CPNE9: variants seen among roughly 807,000 people sequenced by gnomAD.
CPNE9 encodes copine family member 9.
In CPNE9, 59 loss-of-function variants were observed where a neutral mutation model predicts 83.0. That is an observed-to-expected ratio of 0.71 (90% CI 0.58 to 0.88). CPNE9 has a LOEUF of 0.88. Among genes scored for constraint, CPNE9 ranks in the 40% least tolerant of loss-of-function variants. CPNE9 has a pLI of 0.00. For synonymous variants in CPNE9, 256 were observed against 273.4 expected (o/e 0.94, Z 0.63); for missense variants, 619 against 720.8 (o/e 0.86, Z 1.62).
At chr3:9,715,788 C>T (rs746108107) in intron 13 of CPNE9, among the ~76,000 whole-genome samples, 186 bp from the exon 14 acceptor site, 5 of 152,182 alleles carry the variant, frequency 3.3e-5, no homozygotes, top group African/African-American at 1.2e-4. Context: ...GGAAATCCAA[C>T]GATGTTTCTG....
intron 20 of CPNE9, 188 bp downstream of exon 20, chr3:9,727,374 G>A: frequency 4.0e-6 from 3 of 754,066 alleles, no homozygotes; most frequent in South Asian, 1.5e-5. Context: ...TGGCACATCC[G>A]TGGTGTAGGT....
rs745324887 is a variant in CPNE9, at chr3:9,717,095, G to T, written c.922G>T (p.Ala308Ser). 1.9e-6 allele frequency: 3 copies of T among 1,614,172 alleles called. No homozygotes were observed. Among genetic ancestry groups the T allele is most frequent in the Non-Finnish European group, 2.5e-6 (3 of 1,180,014 alleles). Residue 308 changes from alanine (A) to serine (S), a missense_variant, in exon 15 of 21, where the codon GCT (alanine) becomes TCT (serine). This residue lies in a region of CPNE9 where 438 missense variants were observed against 562.9 expected (regional missense o/e 0.78). Transcript: ENST00000383832. ...LNFTVAIDFT[A>S]SNGNPLQPTS... Reference sequence around the variant, plus strand: ...CTTCACAGTAGCCATTGACTTCACGGCTTCCAATGGTGAGACACGGATGAG... The same window carrying T: ...CTTCACAGTAGCCATTGACTTCACGTCTTCCAATGGTGAGACACGGATGAG...
At chr3:9,726,974 A>C in intron 19 of CPNE9, 139 bp from the exon 20 acceptor site, 1 of 930,318 alleles carries the variant, frequency 1.1e-6, no homozygotes, top group Non-Finnish European at 1.7e-6. Flanking sequence ...TAACTCCATA[A>C]CGAAGACTGA....
intron 11 of CPNE9, 73 bp downstream of exon 11, chr3:9,715,028 C>G: frequency 7.2e-7 from 1 of 1,394,160 alleles, no homozygotes; most frequent in South Asian, 1.2e-5. Flanking sequence ...TGTACATTCA[C>G]TGAGAACCCC....
intron 7 of CPNE9, among the ~76,000 whole-genome samples, chr3:9,708,586 T>C (rs1314782253): frequency 6.6e-6 from 1 of 152,140 alleles, no homozygotes; most frequent in African/African-American, 2.4e-5. Context: ...TTAAGCACAG[T>C]TTTGAAGGAG....
rs564260290 is a variant in CPNE9, at chr3:9,708,789, T to C, written c.377+2726T>C. 7.1e-4 allele frequency among the ~76,000 whole-genome samples: 108 copies of C among 151,906 alleles called. 1 individual carries two copies. The highest frequency in any genetic ancestry group is 7.1e-3 in the South Asian group (34 of 4,804). On this transcript the variant is annotated intron_variant, in intron 7 of 20. Transcript: ENST00000383832. ...CTGGGACTACAGGCACCCGCCACCA[T>C]GCCCGGCTAATTTTTTTTGTATTTT...
chr3:9,709,835 C>A (rs1009686477), intron 7 of CPNE9, among the ~76,000 whole-genome samples: 2 of 151,456 alleles, frequency 1.3e-5, no homozygotes, highest in East Asian at 4.0e-4. Context: ...ACTAAAAATA[C>A]AAAAATTAAC....
chr3:9,704,733 C>T lies in CPNE9; in HGVS notation c.110-16C>T. 1 of 1,612,594 alleles carries T rather than the reference C, an allele frequency of 6.2e-7. No homozygotes were observed. Among genetic ancestry groups the T allele is most frequent in the Non-Finnish European group, 8.5e-7 (1 of 1,179,676 alleles). ...GAGCCGACCTGACGTCCTTCCCTCC[C>T]CGCCCCCACCTGCAGTGGTGGTGCT... is the stretch of plus-strand genomic sequence containing the variant. On this transcript the variant is annotated splice_polypyrimidine_tract_variant and intron_variant, in intron 2 of 20. Transcript: ENST00000383832. This position sits in a 1 kb window ranked among gnomAD's most constrained non-coding sequence, Gnocchi z 7.1.
At chr3:9,727,298 A>C in intron 20 of CPNE9, 112 bp downstream of exon 20, 1 of 1,136,566 alleles carries the variant, frequency 8.8e-7, no homozygotes, top group Non-Finnish European at 1.3e-6. Context: ...TTCCCCCGTC[A>C]CTCTTTCATC....
At chr3:9,729,450 C>T in intron 20 of CPNE9, 57 bp from the exon 21 acceptor site, 1 of 1,518,328 alleles carries the variant, frequency 6.6e-7, no homozygotes, top group Admixed American at 2.0e-5. Flanking sequence ...CCCTGCTGCA[C>T]CCCCATGCCC....
Position 9,704,100 on chromosome 3 carries a change from G to A in CPNE9, c.68+36G>A, listed in dbSNP as rs1225958469. On this transcript the variant is annotated intron_variant, in intron 1 of 20. Coordinates refer to ENST00000383832, the MANE Select transcript of CPNE9 (RefSeq NM_153635.3). This position sits in a 1 kb window ranked among gnomAD's most constrained non-coding sequence, Gnocchi z 7.1. ...CGCGCTGGGGAGGGCTTAGGCACTG[G>A]CACTGCCCCAGCCCCAGCCAGCCGC... is the stretch of plus-strand genomic sequence containing the variant. 1 of 1,583,290 alleles carries A rather than the reference G, an allele frequency of 6.3e-7. No individual in the cohort carries two copies. Among genetic ancestry groups the A allele is most frequent in the Non-Finnish European group, 8.6e-7 (1 of 1,163,866 alleles).
At chr3:9,723,384 A>G (rs2076750554) in intron 17 of CPNE9, among the ~76,000 whole-genome samples, 1 of 152,002 alleles carries the variant, frequency 6.6e-6, no homozygotes, top group Admixed American at 6.5e-5. Flanking sequence ...AGGCAGGAGA[A>G]TCCCTTGAAC....
intron 19 of CPNE9, 71 bp downstream of exon 19, chr3:9,726,793 G>C: frequency 7.2e-7 from 1 of 1,382,560 alleles, no homozygotes; most frequent in African/African-American, 1.4e-5. Context: ...TCGGGTACTT[G>C]GGCCTGCCTC....
At chr3:9,707,350 C>T (rs1277001135) in intron 7 of CPNE9, among the ~76,000 whole-genome samples, 1 of 63,550 alleles carries the variant, frequency 1.6e-5, no homozygotes. Flanking sequence ...GAGATTCTGT[C>T]TCAAAAAAAA....
At chr3:9,727,033 A>C in intron 19 of CPNE9, 80 bp from the exon 20 acceptor site, 1 of 1,445,108 alleles carries the variant, frequency 6.9e-7, no homozygotes, top group Non-Finnish European at 9.7e-7. Flanking sequence ...TGATGACTCC[A>C]AAGGGGAGCT....
chr3:9,709,620 G>A (rs1443976884), intron 7 of CPNE9, among the ~76,000 whole-genome samples: 1 of 151,490 alleles, frequency 6.6e-6, no homozygotes, highest in Non-Finnish European at 1.5e-5. Context: ...CACCCACCTT[G>A]GCCTCCCAAA....
intron 17 of CPNE9, among the ~76,000 whole-genome samples, chr3:9,721,884 G>A (rs2076736962): frequency 6.6e-6 from 1 of 151,614 alleles, no homozygotes. Flanking sequence ...TAAGCTTCAG[G>A]TTCCTCATTT....
intron 7 of CPNE9, among the ~76,000 whole-genome samples, chr3:9,708,606 T>A (rs913166115): frequency 2.0e-5 from 3 of 152,070 alleles, no homozygotes; most frequent in African/African-American, 7.2e-5. Context: ...GAGGTGGAGG[T>A]GAAGACAATG....
chr3:9,728,776 C>A (rs534936694), intron 20 of CPNE9, among the ~76,000 whole-genome samples: 1 of 151,502 alleles, frequency 6.6e-6, no homozygotes, highest in African/African-American at 2.4e-5. Context: ...CATTTCTTCT[C>A]CTCTCCCTAA....
Sources: gnomAD v4.1 joint callset for allele counts (sites outside exome capture counted in the v4.1 genomes callset) on GRCh38, gnomAD v4.1.1 for gene constraint, gnomAD v4.1.1 regional missense constraint, Gnocchi (gnomAD v3.1) non-coding constraint, MANE v1.5 for transcripts, NCBI Gene and HGNC (gene_info 2026-07-23, HGNC 2026-07-21) for gene names.